The following CD44 variants were observed in gnomAD, a reference collection of about 807,000 sequenced individuals.
CD44 encodes the protein CD44 antigen.
In CD44, 49 loss-of-function variants were observed where a neutral mutation model predicts 88.8. The ratio of observed to expected loss-of-function variants is 0.55; its 90% CI spans 0.44 to 0.70. The LOEUF (loss-of-function observed/expected upper bound fraction) is 0.70, where lower values mean the gene tolerates loss of function less well. CD44 is among the 30% of genes least tolerant of loss of function. The pLI is 0.00. For synonymous variants in CD44, 325 were observed against 312.3 expected, an observed-to-expected ratio of 1.04 and a Z score of -0.43; for missense variants, 883 against 913.8, an observed-to-expected ratio of 0.97 and a Z score of 0.43.
intron 1 of CD44, among the ~76,000 whole-genome samples, chr11:35,167,643 T>A (rs917613970): frequency 3.3e-5 from 5 of 152,248 alleles, no homozygotes; most frequent in Non-Finnish European, 7.3e-5. Context: ...AAGTGGTTTG[T>A]GTGTGGTTGA....
intron 1 of CD44, among the ~76,000 whole-genome samples, chr11:35,147,073 T>G (rs558736325): frequency 3.9e-5 from 6 of 152,160 alleles, no homozygotes; most frequent in Admixed American, 3.9e-4. Context: ...TAGGATAGGA[T>G]AGGGCTGAAA....
intron 1 of CD44, among the ~76,000 whole-genome samples, chr11:35,149,430 G>C (rs867718621): frequency 6.6e-6 from 1 of 152,212 alleles, no homozygotes; most frequent in Non-Finnish European, 1.5e-5. Context: ...TAACAGCAGC[G>C]TGAGCTTGGG....
chr11:35,190,378 G>T (rs769176315), intron 5 of CD44: 1 of 376,376 alleles, frequency 2.7e-6, no homozygotes, highest in East Asian at 5.0e-5. Context: ...ATTCAAGCCT[G>T]ATATGAAAAC....
At chr11:35,179,553 G>A (rs1440073999) in intron 2 of CD44, among the ~76,000 whole-genome samples, 1 of 152,182 alleles carries the variant, frequency 6.6e-6, no homozygotes, top group Non-Finnish European at 1.5e-5. Flanking sequence ...CTCTGGCTGT[G>A]CTACTTCTGG....
intron 1 of CD44, among the ~76,000 whole-genome samples, chr11:35,140,317 T>C (rs1172599286): frequency 6.6e-6 from 1 of 152,224 alleles, no homozygotes; most frequent in Admixed American, 6.5e-5. Flanking sequence ...TCTTTGTCTA[T>C]GTATGTACAG....
chr11:35,161,100 G>C (rs1023463862), intron 1 of CD44, among the ~76,000 whole-genome samples: 1 of 152,166 alleles, frequency 6.6e-6, no homozygotes, highest in Admixed American at 6.5e-5. Flanking sequence ...AAAGAATTAA[G>C]TTAGAGTAAG....
chr11:35,229,160 A>C lies in CD44; in HGVS notation c.2056A>C (p.Ser686Arg). 1 of 1,614,070 alleles carries C rather than the reference A, an allele frequency of 6.2e-7. No homozygotes were observed. The highest frequency in any genetic ancestry group is 1.3e-5 in the African/African-American group (1 of 75,048). The change falls in exon 18 of 18, where the codon AGT becomes CGT. Residue 686 changes from serine (S) to arginine (R), a missense_variant. Coordinates refer to ENST00000428726, the MANE Select transcript of CD44 (RefSeq NM_000610.4). The part of the protein sequence containing the change: ...CGQKKKLVIN[S>R]GNGAVEDRKP... ...GCAGAAGAAAAAGCTAGTGATCAAC[A>C]GTGGCAATGGAGCTGTGGAGGACAG... is the stretch of plus-strand genomic sequence containing the variant.
intron 1 of CD44, among the ~76,000 whole-genome samples, chr11:35,155,016 G>GA (rs111917137): frequency 1.3e-3 from 187 of 149,478 alleles, no homozygotes; most frequent in Non-Finnish European, 1.5e-3. Flanking sequence ...GGCATCCTAG[G>GA]AAAAAAAAAA....
chr11:35,145,729 A>G (rs1245346978), intron 1 of CD44, among the ~76,000 whole-genome samples: 32 of 152,298 alleles, frequency 2.1e-4, no homozygotes, highest in Non-Finnish European at 1.0e-4. Context: ...TCCAACCCCC[A>G]TGTCTGCTTC....
chr11:35,149,305 G>C (rs1040572332), intron 1 of CD44, among the ~76,000 whole-genome samples: 30 of 152,168 alleles, frequency 2.0e-4, no homozygotes, highest in Admixed American at 1.4e-3. Flanking sequence ...CAGATGCTTG[G>C]TGTGGTGTAA....
At chr11:35,169,948 G>A (rs535310967) in intron 1 of CD44, among the ~76,000 whole-genome samples, 1 of 152,306 alleles carries the variant, frequency 6.6e-6, no homozygotes, top group East Asian at 1.9e-4. Context: ...ACCACTTTGT[G>A]CCTCAGTTTC....
intron 12 of CD44, 38 bp downstream of exon 12, chr11:35,208,244 A>G (rs1948080448): frequency 7.5e-7 from 1 of 1,331,398 alleles, no homozygotes; most frequent in Non-Finnish European, 1.1e-6. Context: ...ATTGACTTGT[A>G]TTCCTGCTTC....
intron 16 of CD44, among the ~76,000 whole-genome samples, 169 bp downstream of exon 16, chr11:35,219,556 T>C (rs564447933): frequency 2.0e-5 from 3 of 152,356 alleles, no homozygotes; most frequent in East Asian, 3.8e-4. Context: ...CTACACCCTC[T>C]TGGTAGGAAA....
chr11:35,211,526 T>A, intron 14 of CD44, 77 bp downstream of exon 14: 1 of 1,087,138 alleles, frequency 9.2e-7, no homozygotes. Context: ...CAGAGGACAT[T>A]TTCTGTGTAG....
rs150556021 is a variant in CD44 at position 35,201,727 on chromosome 11, C to T, written c.1093C>T (p.Pro365Ser). The T allele has an allele frequency of 7.4e-6, 12 of 1,613,388 alleles. No individual in the cohort carries two copies. In the African/African-American group the frequency reaches 1.5e-4, roughly 20 times the overall value. ...AGGAAACTGGAACCCAGAAGCACAC[C>T]CTCCCCTCATTCACCATGAGCATCA... is the stretch of plus-strand genomic sequence containing the variant. ...YEGNWNPEAHPPLIHHEHHEE... is the reference protein window; with the variant it reads ...YEGNWNPEAHSPLIHHEHHEE... Residue 365 changes from proline (P) to serine (S), a missense_variant, in exon 9 of 18, where the codon CCT (proline) becomes TCT (serine). By Grantham distance (74) the Pro-to-Ser change is moderately conservative. Transcript: ENST00000428726.
chr11:35,146,658 G>T (rs550435480), intron 1 of CD44, among the ~76,000 whole-genome samples: 1 of 152,340 alleles, frequency 6.6e-6, no homozygotes, highest in South Asian at 2.1e-4. Flanking sequence ...CCATGCAGCT[G>T]ATAAGTGATG....
intron 7 of CD44, among the ~76,000 whole-genome samples, chr11:35,200,179 T>C (rs78771498): frequency 6.6e-6 from 1 of 152,070 alleles, no homozygotes; most frequent in Non-Finnish European, 1.5e-5. Flanking sequence ...GCTGACAGTA[T>C]TATAGTTCTG....
intron 1 of CD44, among the ~76,000 whole-genome samples, chr11:35,148,430 TCTC>T (rs1565004779): frequency 2.6e-5 from 4 of 152,148 alleles, no homozygotes; most frequent in Admixed American, 1.3e-4. Context: ...GGGGAAGAAA[TCTC>T]CTGTCAAGGA....
At chr11:35,168,592 C>T (rs964644295) in intron 1 of CD44, among the ~76,000 whole-genome samples, 16 of 152,210 alleles carry the variant, frequency 1.1e-4, no homozygotes, top group African/African-American at 3.9e-4. Flanking sequence ...GATAAAGCAA[C>T]TTCTCCTTAC....
Sources: allele counts gnomAD v4.1 joint callset (sites outside exome capture counted in the v4.1 genomes callset), GRCh38; gene constraint gnomAD v4.1.1; transcripts MANE v1.5; gene names NCBI Gene and HGNC (gene_info 2026-07-23, HGNC 2026-07-21).